Variants in APOBEC2 observed in about 807,000 individuals in gnomAD.
APOBEC2 encodes the protein C->U-editing enzyme APOBEC-2.
In APOBEC2, 14 loss-of-function variants were observed where a neutral mutation model predicts 19.4. The ratio of observed to expected loss-of-function variants is 0.72; its 90% CI spans 0.48 to 1.13. The LOEUF is 1.13. Ranked by LOEUF, APOBEC2 falls within the 50% of genes most tolerant of loss-of-function variation. APOBEC2 has a pLI of 0.00. For missense variants in APOBEC2, 304 were observed against 277.0 expected, an observed-to-expected ratio of 1.10 and a Z score of -0.69; for synonymous variants, 127 against 112.1, an observed-to-expected ratio of 1.13 and a Z score of -0.84.
At position 41,058,151 on chromosome 6, in the gene APOBEC2, C is replaced by CA. The variant is rs1561837132; in HGVS notation, c.132-3177_132-3176insA. ...CACCACCCACCACCACCACCCCACC[C>CA]CACACACACACACACACACACACAC... On this transcript the variant is annotated intron_variant, in intron 1 of 2. Transcript: ENST00000244669. Among the ~76,000 whole-genome samples the CA allele has an allele frequency of 7.7e-3, 530 of 69,038 alleles. 34 individuals are homozygous for CA. The highest frequency in any genetic ancestry group is 0.02 in the South Asian group (45 of 2,240). The allele number at this position is 69,038 out of a possible 152,430, so 45.3% of individuals were successfully genotyped here. A position where few individuals can be genotyped will look rare whatever the true frequency, so the allele number is the denominator to read the frequency against.
At chr6:41,054,873 G>A (rs1175236901) in intron 1 of APOBEC2, among the ~76,000 whole-genome samples, 1 of 152,188 alleles carries the variant, frequency 6.6e-6, no homozygotes, top group East Asian at 1.9e-4. Flanking sequence ...CTACACTCTT[G>A]TGTGGCTTTC....
chr6:41,063,162 T>C (rs1468180391), intron 2 of APOBEC2, among the ~76,000 whole-genome samples: 1 of 152,204 alleles, frequency 6.6e-6, no homozygotes, highest in Non-Finnish European at 1.5e-5. Flanking sequence ...CTGATCATTC[T>C]CAAGCTGAGC....
rs948966178 is a variant in APOBEC2, at chr6:41,064,813, G to A, written c.*734G>A. 2.6e-5 allele frequency: 4 copies of A among 152,104 alleles called. No individual in the cohort carries two copies. Among genetic ancestry groups the A allele is most frequent in the Admixed American group, 6.5e-5 (1 of 15,270 alleles). The allele number at this position is 152,104 out of a possible 1,614,324, so 9.4% of individuals were successfully genotyped here. A position where few individuals can be genotyped will look rare whatever the true frequency, so the allele number is the denominator to read the frequency against. On this transcript the variant is annotated 3_prime_UTR_variant, in exon 3 of 3. Transcript: ENST00000244669. ...ACTAGCTTCTTTATTAGAGAGGAGC[G>A]GGTGAAAAGTAGTAGTTTAATGTTC...
chr6:41,058,411 AC>A (rs1762829295), intron 1 of APOBEC2, among the ~76,000 whole-genome samples: 1 of 150,906 alleles, frequency 6.6e-6, no homozygotes, highest in Non-Finnish European at 1.5e-5. Context: ...ACACACACAC[AC>A]ACACACACAC....
intron 1 of APOBEC2, among the ~76,000 whole-genome samples, chr6:41,057,011 G>A (rs1442548505): frequency 1.3e-5 from 2 of 152,186 alleles, no homozygotes; most frequent in Non-Finnish European, 2.9e-5. Context: ...CTGTGGCTCT[G>A]CCTGGCAGCA....
At chr6:41,059,826 A>G (rs1762849477) in intron 1 of APOBEC2, among the ~76,000 whole-genome samples, 1 of 152,222 alleles carries the variant, frequency 6.6e-6, no homozygotes, top group Admixed American at 6.5e-5. Flanking sequence ...ATTCCCCTGC[A>G]GCCCAGGGAG....
chr6:41,054,733 G>A (rs1762773392), intron 1 of APOBEC2, among the ~76,000 whole-genome samples: 1 of 152,210 alleles, frequency 6.6e-6, no homozygotes, highest in Non-Finnish European at 1.5e-5. Context: ...TAGACACAGG[G>A]AAAGCCTAAG....
chr6:41,060,521 A>G (rs1460875376), intron 1 of APOBEC2, among the ~76,000 whole-genome samples: 1 of 152,206 alleles, frequency 6.6e-6, no homozygotes, highest in Non-Finnish European at 1.5e-5. Context: ...GCTGCAATCT[A>G]GCTGCTAAAT....
At chr6:41,063,813 T>TTA (rs1373093665) in intron 2 of APOBEC2, among the ~76,000 whole-genome samples, 1 of 151,232 alleles carries the variant, frequency 6.6e-6, no homozygotes, top group African/African-American at 2.4e-5. Flanking sequence ...TTTTTTTTTT[T>TTA]AATGACAAAA....
At chr6:41,062,026 C>T (rs1762884064) in intron 2 of APOBEC2, 134 bp downstream of exon 2, 1 of 850,576 alleles carries the variant, frequency 1.2e-6, no homozygotes, top group Admixed American at 2.9e-5. Context: ...TGACTGGTTG[C>T]AAAAATAGTT....
At chr6:41,061,156 C>CT (rs35586672) in intron 1 of APOBEC2, among the ~76,000 whole-genome samples, 172 bp from the exon 2 acceptor site, 6,763 of 105,618 alleles carry the variant, frequency 0.064, 293 homozygotes, top group South Asian at 0.1. Context: ...TTTTTTAATG[C>CT]TTTTTTTTTT....
In APOBEC2 at chr6:41,053,368, T is replaced by C. The variant is rs745775029; in HGVS notation, c.21T>C (p.Ala7=). Residue 7 remains alanine (A), a synonymous_variant, in exon 1 of 3, where the codon GCT becomes GCC. Transcript: ENST00000244669. MAQKEE[A]AVATEAASQN... ...CCTCCATGGCCCAGAAGGAAGAGGC[T>C]GCTGTGGCCACTGAGGCTGCCTCCC... The C allele has an allele frequency of 6.2e-7, 1 of 1,613,792 alleles. No homozygotes were observed. Among genetic ancestry groups the C allele is most frequent in the Non-Finnish European group, 8.5e-7 (1 of 1,180,006 alleles).
chr6:41,054,659 A>G (rs1162734875), intron 1 of APOBEC2, among the ~76,000 whole-genome samples: 39 of 152,172 alleles, frequency 2.6e-4, no homozygotes, highest in Admixed American at 2.6e-3. Flanking sequence ...CCATTTGCCC[A>G]TGCCCACCCA....
intron 1 of APOBEC2, among the ~76,000 whole-genome samples, chr6:41,060,732 A>T (rs1053879528): frequency 1.6e-4 from 24 of 152,250 alleles, no homozygotes; most frequent in African/African-American, 5.5e-4. Context: ...AGAGCATGTT[A>T]TTGCAAGTTT....
At chr6:41,062,002 CA>C in intron 2 of APOBEC2, 110 bp downstream of exon 2, 2 of 1,043,148 alleles carry the variant, frequency 1.9e-6, no homozygotes, top group Non-Finnish European at 2.7e-6. Context: ...GGAAGGGTTT[CA>C]TTTCTCTGCT....
At position 41,053,408 on chromosome 6, in the gene APOBEC2, C is replaced by G; in HGVS notation, c.61C>G (p.Leu21Val). 1.2e-6 allele frequency: 2 copies of G among 1,614,180 alleles called. No individual in the cohort carries two copies. Among genetic ancestry groups the G allele is most frequent in the Non-Finnish European group, 1.7e-6 (2 of 1,180,030 alleles). ...GGCTGCCTCCCAGAATGGGGAGGAT[C>G]TGGAGAACCTGGACGACCCTGAGAA... The part of the protein sequence containing the change: ...TEAASQNGED[L>V]ENLDDPEKLK... Residue 21 changes from leucine (L) to valine (V), a missense_variant, in exon 1 of 3, where the codon CTG becomes GTG. Physicochemically the swap from Leu to Val is conservative, Grantham distance 32. Transcript: ENST00000244669.
chr6:41,053,423 G>C lies in APOBEC2; in HGVS notation c.76G>C (p.Asp26His). ...QNGEDLENLD[D>H]PEKLKELIEL... Reference sequence around the variant, plus strand: ...TGGGGAGGATCTGGAGAACCTGGACGACCCTGAGAAGCTGAAAGAGCTGAT... The same window carrying C: ...TGGGGAGGATCTGGAGAACCTGGACCACCCTGAGAAGCTGAAAGAGCTGAT... Residue 26 changes from aspartate (D) to histidine (H), a missense_variant, in exon 1 of 3, where the codon GAC becomes CAC. Coordinates refer to ENST00000244669, the MANE Select transcript of APOBEC2 (RefSeq NM_006789.4). 6.2e-7 allele frequency: 1 copy of C among 1,614,198 alleles called. No homozygotes were observed. Among genetic ancestry groups the C allele is most frequent in the African/African-American group, 1.3e-5 (1 of 75,062 alleles).
At position 41,062,037 on chromosome 6, in the gene APOBEC2, T is replaced by C. The variant is rs1260570463; in HGVS notation, c.*21+145T>C. On this transcript the variant is annotated intron_variant, in intron 2 of 2. Coordinates refer to ENST00000244669, the MANE Select transcript of APOBEC2 (RefSeq NM_006789.4). ...CTTTTGACTGGTTGCAAAAATAGTT[T>C]AGAACATGTCTCTTTCCTCTGAATC... The C allele has an allele frequency of 6.4e-6, 5 of 778,444 alleles. No homozygotes were observed. The African/African-American group carries it at 8.8e-5, about 14-fold the overall frequency. 48.2% of individuals were successfully genotyped at this position (778,444 alleles called of 1,614,324 possible). A position where few individuals can be genotyped will look rare whatever the true frequency, so the allele number is the denominator to read the frequency against.
intron 1 of APOBEC2, among the ~76,000 whole-genome samples, chr6:41,056,318 A>G (rs1428739342): frequency 6.6e-6 from 1 of 152,110 alleles, no homozygotes; most frequent in East Asian, 1.9e-4. Context: ...ATGGGTTCTG[A>G]CTGTGTTGCC....
Sources: gnomAD v4.1 joint callset for allele counts (sites outside exome capture counted in the v4.1 genomes callset) on GRCh38, gnomAD v4.1.1 for gene constraint, MANE v1.5 for transcripts, NCBI Gene and HGNC (gene_info 2026-07-23, HGNC 2026-07-21) for gene names.